Variants in CHSY3 observed in about 807,000 individuals in gnomAD.
The protein encoded by CHSY3 is N-acetylgalactosaminyl-proteoglycan 3-beta-glucuronosyltransferase 3.
A neutral mutation model predicts 67.2 loss-of-function variants in CHSY3; 35 were observed. That is an observed-to-expected ratio of 0.52 (90% CI 0.40 to 0.69). The LOEUF (loss-of-function observed/expected upper bound fraction) is 0.69. Among genes scored for constraint, CHSY3 ranks in the 30% least tolerant of loss-of-function variants. The probability of loss-of-function intolerance (pLI) is 0.00; values close to 1 mark genes in which losing one functional copy is unlikely to be tolerated. For synonymous variants in CHSY3, 474 were observed against 434.7 expected, an observed-to-expected ratio of 1.09 and a Z score of -1.12; for missense variants, 1,069 against 1,138.5, an observed-to-expected ratio of 0.94 and a Z score of 0.88.
At chr5:130,046,335 A>G (rs1328629407) in intron 2 of CHSY3, among the ~76,000 whole-genome samples, 4 of 152,146 alleles carry the variant, frequency 2.6e-5, no homozygotes, top group African/African-American at 4.8e-5. Context: ...AGTATACGTT[A>G]AAGTATAGAG....
chr5:129,995,353 G>A (rs1763503645), intron 2 of CHSY3, among the ~76,000 whole-genome samples: 1 of 151,758 alleles, frequency 6.6e-6, no homozygotes, highest in African/African-American at 2.4e-5. Context: ...TAGATGTATT[G>A]CAGATATCTT....
intron 2 of CHSY3, among the ~76,000 whole-genome samples, chr5:129,955,578 G>C (rs972452250): frequency 5.3e-5 from 8 of 151,424 alleles, no homozygotes; most frequent in African/African-American, 1.5e-4. Context: ...TTTAAGTTCA[G>C]GGGTACATGT....
chr5:130,152,630 T>G (rs1335591439), intron 2 of CHSY3, among the ~76,000 whole-genome samples: 2 of 152,232 alleles, frequency 1.3e-5, no homozygotes, highest in Admixed American at 6.5e-5. Flanking sequence ...ATGGAATACC[T>G]ATAATTAAAA....
intron 2 of CHSY3, among the ~76,000 whole-genome samples, chr5:129,932,103 C>T (rs1761328591): frequency 1.7e-5 from 2 of 115,026 alleles, no homozygotes; most frequent in African/African-American, 3.8e-5. Flanking sequence ...ACCATAAAAC[C>T]ATATATATAT....
chr5:129,961,510 G>A (rs1175878945), intron 2 of CHSY3, among the ~76,000 whole-genome samples: 2 of 151,956 alleles, frequency 1.3e-5, no homozygotes, highest in Non-Finnish European at 2.9e-5. Flanking sequence ...ACTGTACACA[G>A]TATGCACTTA....
rs1407448968 is a variant in CHSY3 at position 130,049,090 on chromosome 5, A to C, written c.1087-135139A>C. ...CTTTCACAAAGTTGCAGCAAAAGGG[A>C]TGGGATAGTGGTTACATAATTTACA... On this transcript the variant is annotated intron_variant, in intron 2 of 2. Coordinates refer to ENST00000305031, the MANE Select transcript of CHSY3 (RefSeq NM_175856.5). Among the ~76,000 whole-genome samples the C allele has an allele frequency of 2.0e-5, 3 of 152,036 alleles. No individual in the cohort carries two copies. In the South Asian group the frequency reaches 6.2e-4, roughly 32 times the overall value.
At chr5:130,064,136 T>C (rs1765804359) in intron 2 of CHSY3, among the ~76,000 whole-genome samples, 1 of 152,150 alleles carries the variant, frequency 6.6e-6, no homozygotes, top group Admixed American at 6.5e-5. Context: ...GACAACTGAC[T>C]TGCTATTTGG....
At position 130,020,380 on chromosome 5, in the gene CHSY3, A is replaced by C. The variant is rs1388175039; in HGVS notation, c.1086+112020A>C. Among the ~76,000 whole-genome samples the C allele has an allele frequency of 3.4e-5, 5 of 148,032 alleles. No individual in the cohort carries two copies. The South Asian group carries it at 1.1e-3, about 32-fold the overall frequency. ...GGTTGTAGTGAGCTGAGATCGTGCC[A>C]CTGCACTCCAACCTGGGCAACAAAG... is the stretch of plus-strand genomic sequence containing the variant. On this transcript the variant is annotated intron_variant, in intron 2 of 2. Coordinates refer to ENST00000305031, the MANE Select transcript of CHSY3 (RefSeq NM_175856.5).
intron 2 of CHSY3, among the ~76,000 whole-genome samples, chr5:129,945,139 A>G (rs1761813199): frequency 6.6e-6 from 1 of 152,236 alleles, no homozygotes. Context: ...ATGTGTTTAA[A>G]CACCTGGTTA....
At chr5:130,155,237 G>A (rs1011953610) in intron 2 of CHSY3, among the ~76,000 whole-genome samples, 13 of 152,320 alleles carry the variant, frequency 8.5e-5, no homozygotes, top group Middle Eastern at 3.4e-3. Context: ...TATAGTAAAC[G>A]TGGGACCTTT....
intron 2 of CHSY3, among the ~76,000 whole-genome samples, chr5:130,090,290 GC>G (rs1175873449): frequency 2.6e-5 from 4 of 152,112 alleles, no homozygotes; most frequent in Non-Finnish European, 5.9e-5. Flanking sequence ...ATATCTAATT[GC>G]AGATTATTTC....
intron 2 of CHSY3, among the ~76,000 whole-genome samples, chr5:129,930,520 A>G (rs1761272121): frequency 2.2e-5 from 3 of 139,000 alleles, no homozygotes; most frequent in Admixed American, 1.5e-4. Context: ...GGGGGGGGGT[A>G]TGAAGTTTTG....
At chr5:130,072,149 G>C (rs1182807170) in intron 2 of CHSY3, among the ~76,000 whole-genome samples, 1 of 151,936 alleles carries the variant, frequency 6.6e-6, no homozygotes, top group Non-Finnish European at 1.5e-5. Flanking sequence ...ATCCATGGTT[G>C]TCTCATCACA....
chr5:130,015,903 T>TA (rs1424675578), intron 2 of CHSY3, among the ~76,000 whole-genome samples: 7 of 152,230 alleles, frequency 4.6e-5, no homozygotes, highest in South Asian at 2.1e-4. Flanking sequence ...TACACAGCCA[T>TA]AAAAATGAAT....
At chr5:129,944,071 A>G (rs1761775144) in intron 2 of CHSY3, among the ~76,000 whole-genome samples, 1 of 152,200 alleles carries the variant, frequency 6.6e-6, no homozygotes, top group Non-Finnish European at 1.5e-5. Context: ...CAGAACTATC[A>G]TTTTCTCCTG....
chr5:130,023,974 A>G (rs1764466270), intron 2 of CHSY3, among the ~76,000 whole-genome samples: 1 of 151,940 alleles, frequency 6.6e-6, no homozygotes, highest in Admixed American at 6.6e-5. Context: ...TGAACTACTT[A>G]TCACATTTTC....
intron 2 of CHSY3, among the ~76,000 whole-genome samples, chr5:130,076,766 G>A (rs1766267863): frequency 6.6e-6 from 1 of 151,938 alleles, no homozygotes; most frequent in Non-Finnish European, 1.5e-5. Context: ...GTAGTCAAAG[G>A]TCTTTCATTG....
intron 2 of CHSY3, among the ~76,000 whole-genome samples, chr5:129,995,434 A>G (rs1763506126): frequency 6.6e-6 from 1 of 151,912 alleles, no homozygotes; most frequent in Non-Finnish European, 1.5e-5. Flanking sequence ...CTTAGTTTTA[A>G]TAAAGTCTAA....
intron 2 of CHSY3, among the ~76,000 whole-genome samples, chr5:130,066,165 T>G (rs1021931809): frequency 3.3e-5 from 5 of 152,126 alleles, no homozygotes; most frequent in African/African-American, 1.2e-4. Context: ...TTTTCAATAC[T>G]CCTGTTCATG....
Sources: gnomAD v4.1 joint callset for allele counts (sites outside exome capture counted in the v4.1 genomes callset) on GRCh38, gnomAD v4.1.1 for gene constraint, MANE v1.5 for transcripts, NCBI Gene and HGNC (gene_info 2026-07-23, HGNC 2026-07-21) for gene names.